Variants in MCOLN2 observed in about 807,000 individuals in gnomAD.
MCOLN2 encodes mucolipin TRP cation channel 2.
MCOLN2 carries 57 observed loss-of-function variants against 67.5 expected under a neutral mutation model. The observed-to-expected ratio is 0.84, with a 90% CI of 0.68 to 1.05. The LOEUF (loss-of-function observed/expected upper bound fraction) is 1.05. Ranked by LOEUF, MCOLN2 falls within the 50% of genes least tolerant of loss-of-function variation. MCOLN2 has a pLI of 0.00. For synonymous variants in MCOLN2, 246 were observed against 233.3 expected (o/e 1.05, Z -0.50); for missense variants, 620 against 678.8 (o/e 0.91, Z 0.96).
intron 2 of MCOLN2, among the ~76,000 whole-genome samples, chr1:84,959,866 A>G (rs947218667): frequency 6.6e-6 from 1 of 152,208 alleles, no homozygotes; most frequent in African/African-American, 2.4e-5. Flanking sequence ...CATCTGAACA[A>G]TAATATACAA....
At chr1:84,989,309 TAG>T (rs1188818755) in intron 1 of MCOLN2, among the ~76,000 whole-genome samples, 1 of 152,156 alleles carries the variant, frequency 6.6e-6, no homozygotes, top group Non-Finnish European at 1.5e-5. Flanking sequence ...ATAAAAATAA[TAG>T]AAAGTCTAAA....
At chr1:84,986,305 C>A (rs1650502351) in intron 1 of MCOLN2, among the ~76,000 whole-genome samples, 1 of 152,070 alleles carries the variant, frequency 6.6e-6, no homozygotes, top group South Asian at 2.1e-4. Flanking sequence ...TTTTGGGAGA[C>A]CGAGGTGGGC....
Position 84,970,392 on chromosome 1 carries a change from A to G in MCOLN2, c.78-4684T>C, listed in dbSNP as rs1459066417. The stretch of plus-strand genomic sequence containing the variant: ...ATCAAATACTTAAAGAATACTGGCC[A>G]GGCATGGTGGCTCATGCCTGTAATC... On this transcript the variant is annotated intron_variant, in intron 1 of 13. Coordinates refer to ENST00000370608, the MANE Select transcript of MCOLN2 (RefSeq NM_153259.4). 2.8e-4 allele frequency among the ~76,000 whole-genome samples: 43 copies of G among 151,680 alleles called. 1 individual carries two copies. The highest frequency in any genetic ancestry group is 2.8e-3 in the Admixed American group (43 of 15,196).
chr1:84,996,399 T>C (rs1020191410), intron 1 of MCOLN2, among the ~76,000 whole-genome samples: 2 of 18,540 alleles, frequency 1.1e-4, no homozygotes, highest in African/African-American at 2.7e-4. Context: ...ATTTCATATA[T>C]ATATATATAT....
At chr1:84,954,617 AAAGTT>A (rs1428761959) in intron 4 of MCOLN2, among the ~76,000 whole-genome samples, 2 of 152,234 alleles carry the variant, frequency 1.3e-5, no homozygotes, top group Non-Finnish European at 2.9e-5. Flanking sequence ...TAGGTATCCA[AAAGTT>A]AATTCGACTT....
At chr1:84,986,412 G>A (rs576962622) in intron 1 of MCOLN2, among the ~76,000 whole-genome samples, 7 of 151,978 alleles carry the variant, frequency 4.6e-5, no homozygotes, top group East Asian at 1.9e-4. Flanking sequence ...TGGTGGTGGC[G>A]CATGCCTATA....
intron 4 of MCOLN2, among the ~76,000 whole-genome samples, chr1:84,952,857 T>A (rs930129080): frequency 6.6e-6 from 1 of 152,140 alleles, no homozygotes; most frequent in Non-Finnish European, 1.5e-5. Flanking sequence ...AATCTAGTCA[T>A]GAAGAAACAG....
At chr1:84,970,527 A>AT (rs1409983317) in intron 1 of MCOLN2, among the ~76,000 whole-genome samples, 1 of 151,796 alleles carries the variant, frequency 6.6e-6, no homozygotes, top group East Asian at 1.9e-4. Flanking sequence ...AAAAAAAAAA[A>AT]AAAATAACAG....
chr1:84,928,089 T>C (rs1398606453), intron 13 of MCOLN2, among the ~76,000 whole-genome samples: 4 of 152,222 alleles, frequency 2.6e-5, no homozygotes, highest in South Asian at 2.1e-4. Context: ...TTTGGTCTGA[T>C]GATTCCACTG....
intron 13 of MCOLN2, among the ~76,000 whole-genome samples, chr1:84,927,746 AC>A (rs1368933493): frequency 6.6e-6 from 1 of 152,190 alleles, no homozygotes; most frequent in African/African-American, 2.4e-5. Flanking sequence ...GCCTCCATTC[AC>A]AGCCTTCCTC....
chr1:84,937,965 G>A lies in MCOLN2; in HGVS notation c.1212+16C>T, dbSNP rs373430725. ...AGTCTCAACTGCAGTGGCACTACCC[G>A]GTGCCGCATCCTTACATTATATGCC... On this transcript the variant is annotated intron_variant, in intron 10 of 13. Transcript: ENST00000370608. 4.3e-5 allele frequency: 69 copies of A among 1,607,838 alleles called. No individual in the cohort carries two copies. The highest frequency in any genetic ancestry group is 5.4e-5 in the Non-Finnish European group (63 of 1,174,424).
At position 84,926,113 on chromosome 1, in the gene MCOLN2, C is replaced by G. The variant is rs894440683; in HGVS notation, c.*572G>C. 6.6e-6 allele frequency: 1 copy of G among 152,466 alleles called. No homozygotes were observed. Among genetic ancestry groups the G allele is most frequent in the Non-Finnish European group, 1.5e-5 (1 of 68,322 alleles). 9.4% of individuals were successfully genotyped at this position (152,466 alleles called of 1,614,324 possible). A position where few individuals can be genotyped will look rare whatever the true frequency, so the allele number is the denominator to read the frequency against. ...CCATGTTGCCCAGGCTGGTCTCAAG[C>G]TCCTGAGCTCAGTCTGCCTGCCTAG... On this transcript the variant is annotated 3_prime_UTR_variant, in exon 14 of 14. Coordinates refer to ENST00000370608, the MANE Select transcript of MCOLN2 (RefSeq NM_153259.4).
chr1:84,958,772 T>C, intron 2 of MCOLN2, 70 bp from the exon 3 acceptor site: 2 of 1,180,760 alleles, frequency 1.7e-6, no homozygotes, highest in Non-Finnish European at 2.3e-6. Flanking sequence ...GTCTTCTCAC[T>C]ATCATCAACC....
At chr1:84,941,726 C>T (rs1212547874) in intron 7 of MCOLN2, among the ~76,000 whole-genome samples, 1 of 152,144 alleles carries the variant, frequency 6.6e-6, no homozygotes, top group Non-Finnish European at 1.5e-5. Context: ...TAAAACACCA[C>T]CACTCAGAAT....
Position 84,938,001 on chromosome 1 carries a change from C to G in MCOLN2, c.1192G>C (p.Gly398Arg), listed in dbSNP as rs764402702. The change falls in exon 10 of 14, where the codon GGT (glycine) becomes CGT (arginine). Residue 398 changes from glycine to arginine, a missense_variant. Gly to Arg is a moderately radical substitution (Grantham distance 125). Transcript: ENST00000370608. Reference protein sequence around the residue: ...LVWVGVIRYLGYFQAYNVLIL... With the variant: ...LVWVGVIRYLRYFQAYNVLIL... ...CTTACATTATATGCCTGGAAATAACCCAGGTATCTGATGACTCCAACCCAA... is the reference window on the plus strand; with the variant it reads ...CTTACATTATATGCCTGGAAATAACGCAGGTATCTGATGACTCCAACCCAA... 1 of 1,613,860 alleles carries G rather than the reference C, an allele frequency of 6.2e-7. No homozygotes were observed. The highest frequency in any genetic ancestry group is 8.5e-7 in the Non-Finnish European group (1 of 1,179,854).
rs111919486 is a variant in MCOLN2 at position 84,937,681 on chromosome 1, A to C, written c.1335+74T>G. ...TACATGCTAGAGAAGACCAGGAAGC[A>C]AGTAAGTGCTAGAAACCCACGTTCA... On this transcript the variant is annotated intron_variant, in intron 11 of 13. Coordinates refer to ENST00000370608, the MANE Select transcript of MCOLN2 (RefSeq NM_153259.4). 129 of 1,584,430 alleles carry C rather than the reference A, an allele frequency of 8.1e-5. 4 individuals are homozygous for C. In the African/African-American group the frequency reaches 1.1e-3, roughly 14 times the overall value.
intron 2 of MCOLN2, among the ~76,000 whole-genome samples, chr1:84,962,943 T>C (rs966675530): frequency 6.6e-6 from 1 of 152,202 alleles, no homozygotes; most frequent in South Asian, 2.1e-4. Flanking sequence ...CGAATGTATA[T>C]GGATAAGAAA....
At chr1:84,961,567 G>A (rs780843062) in intron 2 of MCOLN2, among the ~76,000 whole-genome samples, 1 of 152,126 alleles carries the variant, frequency 6.6e-6, no homozygotes, top group African/African-American at 2.4e-5. Flanking sequence ...CCCAGCATTG[G>A]GGAAGGTTGG....
At chr1:84,972,769 T>C (rs1226999653) in intron 1 of MCOLN2, among the ~76,000 whole-genome samples, 1 of 152,256 alleles carries the variant, frequency 6.6e-6, no homozygotes, top group Admixed American at 6.5e-5. Context: ...AACGGAAGCC[T>C]GAAGTTTTGA....
Sources: allele counts gnomAD v4.1 joint callset (sites outside exome capture counted in the v4.1 genomes callset), GRCh38; gene constraint gnomAD v4.1.1; transcripts MANE v1.5; gene names NCBI Gene and HGNC (gene_info 2026-07-23, HGNC 2026-07-21).